Variants in MYT1 observed in about 807,000 individuals in gnomAD.
The protein encoded by MYT1 is myelin transcription factor 1.
Under a neutral mutation model 123.0 loss-of-function variants are expected in MYT1, and 23 were observed. That is an observed-to-expected ratio of 0.19 (90% CI 0.13 to 0.26). The LOEUF is 0.26. Ranked by LOEUF, MYT1 falls within the 10% of genes least tolerant of loss-of-function variation. MYT1 has a pLI of 1.00. For synonymous variants in MYT1, 518 were observed against 575.3 expected (o/e 0.90, Z 1.43); for missense variants, 1,125 against 1,472.5 (o/e 0.76, Z 3.86).
At chr20:64,169,873 C>G (rs1225737806) in intron 1 of MYT1, among the ~76,000 whole-genome samples, 2 of 152,196 alleles carry the variant, frequency 1.3e-5, no homozygotes, top group Non-Finnish European at 2.9e-5. Flanking sequence ...GTACTGGACA[C>G]TGAGGCTGGG....
rs184915301 is a variant in MYT1, at chr20:64,201,756, G to T, written c.86+1834G>T. On this transcript the variant is annotated intron_variant, in intron 4 of 22. Coordinates refer to ENST00000328439, the MANE Select transcript of MYT1 (RefSeq NM_004535.3). ...AGACGAGACCTCTGTCCTGGTGGGG[G>T]CCACACCGTGGGTACCAGAACAGGA... Among the ~76,000 whole-genome samples, 4 of 152,308 alleles carry T rather than the reference G, an allele frequency of 2.6e-5. No homozygotes were observed. The East Asian group carries it at 7.8e-4, about 30-fold the overall frequency.
At chr20:64,228,113 T>TGACAGCTAGAG in intron 18 of MYT1, 142 bp downstream of exon 18, 1 of 767,492 alleles carries the variant, frequency 1.3e-6, no homozygotes. Context: ...CTTTCGTTTC[T>TGACAGCTAGAG]TTCATTTTTA....
intron 1 of MYT1, among the ~76,000 whole-genome samples, chr20:64,173,454 TCC>T (rs1982350262): frequency 6.7e-6 from 1 of 150,132 alleles, no homozygotes; most frequent in Non-Finnish European, 1.5e-5. Context: ...TGTGTCCATT[TCC>T]CCTCCCTGAC....
chr20:64,200,242 C>A (rs1351740574), intron 4 of MYT1, among the ~76,000 whole-genome samples: 1 of 152,234 alleles, frequency 6.6e-6, no homozygotes, highest in African/African-American at 2.4e-5. Flanking sequence ...CGCTCTCTTA[C>A]CGGACCCTCA....
intron 21 of MYT1, 127 bp from the exon 22 acceptor site, chr20:64,239,633 T>A: frequency 3.7e-6 from 5 of 1,343,452 alleles, no homozygotes; most frequent in East Asian, 2.3e-5. Context: ...GAAGGCAGGG[T>A]CCCTGCCTCT....
intron 10 of MYT1, among the ~76,000 whole-genome samples, chr20:64,214,053 A>G (rs957528947): frequency 2.0e-5 from 3 of 152,230 alleles, no homozygotes; most frequent in Non-Finnish European, 4.4e-5. Context: ...ACGGACGTCC[A>G]GGAAGCACCA....
intron 3 of MYT1, 152 bp from the exon 4 acceptor site, chr20:64,199,740 G>A (rs1269224469): frequency 1.2e-5 from 10 of 840,366 alleles, no homozygotes; most frequent in Non-Finnish European, 1.8e-5. Flanking sequence ...AAGGGTGAGC[G>A]CCCTGGGGAA....
chr20:64,201,999 C>CT lies in MYT1; in HGVS notation c.86+2077_86+2078insT, dbSNP rs147803193. 5.0e-3 allele frequency among the ~76,000 whole-genome samples: 676 copies of CT among 135,754 alleles called. 9 individuals carry two copies. The highest frequency in any genetic ancestry group is 0.017 in the African/African-American group (601 of 34,376). The allele number at this position is 135,754 out of a possible 152,430, so 89.1% of individuals were successfully genotyped here. A position where few individuals can be genotyped will look rare whatever the true frequency, so the allele number is the denominator to read the frequency against. On this transcript the variant is annotated intron_variant, in intron 4 of 22. Transcript: ENST00000328439. ...GGGAACCCCCGCGTGTCGGGAACCCCCGCGTGTCGGGAACCCCTCGCGTGT... is the reference window on the plus strand; with the variant it reads ...GGGAACCCCCGCGTGTCGGGAACCCCTCGCGTGTCGGGAACCCCTCGCGTGT...
rs1251147850 is a variant in MYT1, at chr20:64,167,669, G to C, written c.-99+2930G>C. 6.6e-6 allele frequency among the ~76,000 whole-genome samples: 1 copy of C among 152,188 alleles called. No homozygotes were observed. The highest frequency in any genetic ancestry group is 1.9e-4 in the East Asian group (1 of 5,190). On this transcript the variant is annotated intron_variant, in intron 1 of 22. Coordinates refer to ENST00000328439, the MANE Select transcript of MYT1 (RefSeq NM_004535.3). This position sits in a 1 kb window ranked among gnomAD's most constrained non-coding sequence, Gnocchi z 6.3. ...TCTTTTGTTGCCTGTTCTCTTGTAG[G>C]AACCTGGGCGGGAGAGTGGAGCAGG...
At chr20:64,235,935 G>T (rs1428057620) in intron 19 of MYT1, among the ~76,000 whole-genome samples, 1 of 146,060 alleles carries the variant, frequency 6.8e-6, no homozygotes, top group African/African-American at 2.6e-5. Flanking sequence ...TGGCCGCGGT[G>T]GGTGACCCTG....
chr20:64,234,730 T>TGGGCTGGCTGTGGTATGTGACCCG (rs2145734632), intron 19 of MYT1, among the ~76,000 whole-genome samples: 1 of 96,476 alleles, frequency 1.0e-5, no homozygotes, highest in African/African-American at 5.6e-5. Flanking sequence ...TGAGTGACCC[T>TGGGCTGGCTGTGGTATGTGACCCG]GGGCTGGCCG....
In MYT1 at chr20:64,186,777, C is replaced by A. The variant is rs1257210896; in HGVS notation, c.-98-3286C>A. Among the ~76,000 whole-genome samples, 2 of 152,118 alleles carry A rather than the reference C, an allele frequency of 1.3e-5. No homozygotes were observed. The highest frequency in any genetic ancestry group is 4.8e-5 in the African/African-American group (2 of 41,364). On this transcript the variant is annotated intron_variant, in intron 1 of 22. Transcript: ENST00000328439. The surrounding 1 kb of genome is among the most constrained non-coding windows in gnomAD (Gnocchi z 4.3). Reference sequence around the variant, plus strand: ...GATTTCCTGTAGCCCGTGGCCCCGGCATCCACGTTTCCGTGGAGACTTTTC... The same window carrying A: ...GATTTCCTGTAGCCCGTGGCCCCGGAATCCACGTTTCCGTGGAGACTTTTC...
At chr20:64,223,054 G>C in intron 14 of MYT1, 57 bp from the exon 15 acceptor site, 2 of 1,604,006 alleles carry the variant, frequency 1.2e-6, no homozygotes, top group Non-Finnish European at 1.7e-6. Flanking sequence ...AGCAGGCTCA[G>C]CCTGGGGGGC....
chr20:64,204,449 T>C (rs752816602), intron 4 of MYT1, among the ~76,000 whole-genome samples: 70 of 152,186 alleles, frequency 4.6e-4, no homozygotes, highest in Non-Finnish European at 4.3e-4. Context: ...CCGGCTTCTT[T>C]TCCCTGCGTG....
rs942854503 is a variant in MYT1 at position 64,213,282 on chromosome 20, C to A, written c.1518-252C>A. Among the ~76,000 whole-genome samples, 2 of 152,184 alleles carry A rather than the reference C, an allele frequency of 1.3e-5. No individual in the cohort carries two copies. Among genetic ancestry groups the A allele is most frequent in the African/African-American group, 2.4e-5 (1 of 41,442 alleles). On this transcript the variant is annotated intron_variant, in intron 9 of 22. Coordinates refer to ENST00000328439, the MANE Select transcript of MYT1 (RefSeq NM_004535.3). The surrounding 1 kb of genome is among the most constrained non-coding windows in gnomAD (Gnocchi z 5.6). ...TAGGATATATTTCATCTTTGTGTGT[C>A]CTTGGCATAGAATGTTCCAAAACAG... is the stretch of plus-strand genomic sequence containing the variant.
intron 1 of MYT1, among the ~76,000 whole-genome samples, chr20:64,180,069 G>A (rs111360063): frequency 0.014 from 1,984 of 144,860 alleles, 20 homozygotes; most frequent in South Asian, 0.029. Flanking sequence ...CACACCACAC[G>A]CAGTTACACA....
chr20:64,197,588 C>T (rs1983160166), intron 2 of MYT1, among the ~76,000 whole-genome samples: 1 of 152,228 alleles, frequency 6.6e-6, no homozygotes, highest in Non-Finnish European at 1.5e-5. Context: ...CAGTGCTCTC[C>T]TCTTGGGCCT....
chr20:64,169,189 G>A (rs1010400929), intron 1 of MYT1, among the ~76,000 whole-genome samples: 5 of 152,118 alleles, frequency 3.3e-5, no homozygotes, highest in East Asian at 1.9e-4. Flanking sequence ...TGGGAGGAGA[G>A]TGGGAGTTTG....
intron 19 of MYT1, 89 bp from the exon 20 acceptor site, chr20:64,236,466 T>G (rs1446211225): frequency 8.8e-6 from 9 of 1,021,578 alleles, no homozygotes; most frequent in Non-Finnish European, 1.4e-5. Context: ...CCGTGGTATG[T>G]GACCCTGGGC....
Sources: allele counts gnomAD v4.1 joint callset (sites outside exome capture counted in the v4.1 genomes callset), GRCh38; gene constraint gnomAD v4.1.1; non-coding constraint Gnocchi (gnomAD v3.1); transcripts MANE v1.5; gene names NCBI Gene and HGNC (gene_info 2026-07-23, HGNC 2026-07-21).